Variants in GAS7 observed in about 807,000 individuals in gnomAD.
The protein encoded by GAS7 is growth arrest-specific protein 7.
Under a neutral mutation model 71.1 loss-of-function variants are expected in GAS7, and 28 were observed. The ratio of observed to expected loss-of-function variants is 0.39; its 90% CI spans 0.29 to 0.54. The LOEUF is 0.54. Ranked by LOEUF, GAS7 falls within the 20% of genes least tolerant of loss-of-function variation. The probability of loss-of-function intolerance (pLI) is 0.62; values close to 1 mark genes in which losing one functional copy is unlikely to be tolerated. For synonymous variants in GAS7, 258 were observed against 245.8 expected (o/e 1.05, Z -0.46); for missense variants, 436 against 627.8 (o/e 0.69, Z 3.27).
At chr17:10,146,198 G>A (rs1234760662) in intron 1 of GAS7, among the ~76,000 whole-genome samples, 1 of 152,154 alleles carries the variant, frequency 6.6e-6, no homozygotes. Flanking sequence ...AGAACTTTGA[G>A]GTATCTGGGC....
intron 2 of GAS7, among the ~76,000 whole-genome samples, chr17:9,991,376 T>C (rs984623915): frequency 1.3e-5 from 2 of 152,184 alleles, no homozygotes; most frequent in African/African-American, 4.8e-5. Flanking sequence ...ACAAAATTCT[T>C]AGGGCAGCCC....
rs148308075 is a variant in GAS7 at position 10,135,790 on chromosome 17, A to G, written c.183+62418T>C. 4.9e-3 allele frequency among the ~76,000 whole-genome samples: 740 copies of G among 152,272 alleles called. 9 individuals carry two copies. The highest frequency in any genetic ancestry group is 0.017 in the African/African-American group (700 of 41,564). On this transcript the variant is annotated intron_variant, in intron 1 of 13. Transcript: ENST00000432992. Reference sequence around the variant, plus strand: ...GGGGGGTACCCACCAGCAAAGGAGGATGTTTTCAATGCTCAGGCCTGGATG... The same window carrying G: ...GGGGGGTACCCACCAGCAAAGGAGGGTGTTTTCAATGCTCAGGCCTGGATG...
At chr17:10,005,208 C>T (rs1350850523) in intron 2 of GAS7, among the ~76,000 whole-genome samples, 8 of 104,330 alleles carry the variant, frequency 7.7e-5, no homozygotes, top group African/African-American at 3.4e-4. Flanking sequence ...CATGTGTGTG[C>T]ATGTGCGCGT....
intron 1 of GAS7, among the ~76,000 whole-genome samples, chr17:10,148,341 C>T (rs1157179439): frequency 2.0e-5 from 3 of 151,754 alleles, no homozygotes; most frequent in Non-Finnish European, 2.9e-5. Context: ...CCAGACGCAG[C>T]GGCTCACACC....
chr17:10,128,178 C>T (rs1301107495), intron 1 of GAS7, among the ~76,000 whole-genome samples: 1 of 152,346 alleles, frequency 6.6e-6, no homozygotes, highest in East Asian at 1.9e-4. Context: ...CTCCAGTGCC[C>T]AACCCACACA....
chr17:9,914,561 A>G lies in GAS7; in HGVS notation c.*2667T>C. On this transcript the variant is annotated 3_prime_UTR_variant, in exon 14 of 14. Transcript: ENST00000432992. The stretch of plus-strand genomic sequence containing the variant: ...AAGAGTTATTTAAAGCAAACAGAGA[A>G]ATTTCTGAAATTCGAATTGGATATG... The G allele has an allele frequency of 5.1e-6, 1 of 197,952 alleles. No individual in the cohort carries two copies. The highest frequency in any genetic ancestry group is 1.0e-5 in the Non-Finnish European group (1 of 95,616). The allele number at this position is 197,952 out of a possible 1,614,324, so 12.3% of individuals were successfully genotyped here.
intron 2 of GAS7, among the ~76,000 whole-genome samples, chr17:9,988,510 C>T (rs2070724972): frequency 6.6e-6 from 1 of 152,162 alleles, no homozygotes. Context: ...GAGTTTCCTC[C>T]ATCTCTGGTT....
chr17:9,937,385 C>T (rs551212122), intron 8 of GAS7, among the ~76,000 whole-genome samples: 10 of 152,330 alleles, frequency 6.6e-5, no homozygotes, highest in East Asian at 1.9e-4. Context: ...CGGAAGACTC[C>T]GGAGTGGCAC....
chr17:10,013,454 T>C (rs1220487413), intron 2 of GAS7, among the ~76,000 whole-genome samples: 1 of 152,126 alleles, frequency 6.6e-6, no homozygotes, highest in Non-Finnish European at 1.5e-5. Context: ...AGAGCTTCCC[T>C]GGACAGCACA....
chr17:10,090,498 G>A (rs1156731510), intron 1 of GAS7, among the ~76,000 whole-genome samples: 2 of 152,082 alleles, frequency 1.3e-5, no homozygotes, highest in Non-Finnish European at 2.9e-5. Flanking sequence ...AGAGACACAA[G>A]CATACTACAC....
chr17:9,961,085 T>C (rs958407176), intron 4 of GAS7, among the ~76,000 whole-genome samples: 46 of 152,174 alleles, frequency 3.0e-4, no homozygotes, highest in African/African-American at 1.1e-3. Context: ...TTGCAGAATC[T>C]GTGGACCTCA....
At chr17:9,941,074 C>T (rs1242043165) in intron 7 of GAS7, among the ~76,000 whole-genome samples, 1 of 152,190 alleles carries the variant, frequency 6.6e-6, no homozygotes, top group Non-Finnish European at 1.5e-5. Flanking sequence ...AGCTGGCACC[C>T]AAAGGGTGCG....
At chr17:10,112,767 A>C (rs917348986) in intron 1 of GAS7, among the ~76,000 whole-genome samples, 4 of 151,688 alleles carry the variant, frequency 2.6e-5, no homozygotes, top group Non-Finnish European at 4.4e-5. Context: ...AGAAAAAAGA[A>C]AGAAAGAAAG....
In GAS7 at chr17:10,178,108, C is replaced by T. The variant is rs564254523; in HGVS notation, c.183+20100G>A. On this transcript the variant is annotated intron_variant, in intron 1 of 13. Coordinates refer to ENST00000432992, the MANE Select transcript of GAS7 (RefSeq NM_201433.2). ...GTGATCCAGAGCCTGAGTCACAGTC[C>T]CCTGGGAGTGTATGTGGCAGAATGA... Among the ~76,000 whole-genome samples the T allele has an allele frequency of 1.5e-4, 23 of 152,264 alleles. No homozygotes were observed. The South Asian group carries it at 3.5e-3, about 23-fold the overall frequency.
At chr17:9,934,082 G>A (rs531651253) in intron 9 of GAS7, 84 bp downstream of exon 9, 17 of 933,038 alleles carry the variant, frequency 1.8e-5, no homozygotes, top group Non-Finnish European at 2.5e-5. Flanking sequence ...AATGGCAAAC[G>A]GCAAACTGGA....
At chr17:10,093,199 A>G (rs1305378605) in intron 1 of GAS7, among the ~76,000 whole-genome samples, 1 of 152,134 alleles carries the variant, frequency 6.6e-6, no homozygotes, top group Non-Finnish European at 1.5e-5. Context: ...TCAAGCCCCC[A>G]CTATCTCACC....
intron 1 of GAS7, among the ~76,000 whole-genome samples, chr17:10,130,993 T>G (rs529610680): frequency 6.6e-6 from 1 of 152,316 alleles, no homozygotes; most frequent in Admixed American, 6.5e-5. Context: ...CAGGGGTGAA[T>G]TGAATGGTAT....
chr17:10,057,583 G>C (rs535418699), intron 1 of GAS7, among the ~76,000 whole-genome samples: 3 of 151,628 alleles, frequency 2.0e-5, no homozygotes, highest in Admixed American at 2.0e-4. Flanking sequence ...GGAGGGAGGT[G>C]GGGGGCAGCC....
At chr17:9,918,519 C>T (rs1231421950) in intron 12 of GAS7, among the ~76,000 whole-genome samples, 2 of 152,224 alleles carry the variant, frequency 1.3e-5, no homozygotes, top group African/African-American at 2.4e-5. Flanking sequence ...TTACTCATGG[C>T]AATGCACCCA....
Sources: allele counts gnomAD v4.1 joint callset (sites outside exome capture counted in the v4.1 genomes callset), GRCh38; gene constraint gnomAD v4.1.1; transcripts MANE v1.5; gene names NCBI Gene and HGNC (gene_info 2026-07-23, HGNC 2026-07-21).